The following TTC28 variants were observed in gnomAD, a reference collection of about 807,000 sequenced individuals.
The protein encoded by TTC28 is tetratricopeptide repeat protein 28.
In TTC28, 61 loss-of-function variants were observed where a neutral mutation model predicts 198.0. The observed-to-expected ratio is 0.31, with a 90% CI of 0.25 to 0.38. The LOEUF is 0.38. TTC28 is among the 10% of genes least tolerant of loss of function. The pLI is 1.00. For synonymous variants in TTC28, 1,171 were observed against 1,297.8 expected (o/e 0.90, Z 2.10); for missense variants, 2,678 against 3,164.0 (o/e 0.85, Z 3.69).
chr22:27,987,084 C>T (rs1013928067), intron 21 of TTC28, among the ~76,000 whole-genome samples: 6 of 152,126 alleles, frequency 3.9e-5, no homozygotes, highest in African/African-American at 9.7e-5. Context: ...GCCCTGGGAG[C>T]GAGCCAGCCA....
chr22:28,047,088 A>T (rs1449733380), intron 12 of TTC28, among the ~76,000 whole-genome samples: 1 of 152,198 alleles, frequency 6.6e-6, no homozygotes, highest in East Asian at 1.9e-4. Flanking sequence ...CCATACAGTG[A>T]GTCCCCATCC....
At position 28,381,765 on chromosome 22, in the gene TTC28, C is replaced by T. The variant is rs576124046; in HGVS notation, c.382-75122G>A. On this transcript the variant is annotated intron_variant, in intron 2 of 22. Transcript: ENST00000397906. ...ACAGTTTGGTAACCAGATGTTAATA[C>T]TGTTCTTCTGCCAAAGAAAACTGCA... Among the ~76,000 whole-genome samples, 5 of 152,258 alleles carry T rather than the reference C, an allele frequency of 3.3e-5. 1 individual carries two copies. The South Asian group carries it at 1.0e-3, about 32-fold the overall frequency.
chr22:28,315,168 T>C (rs1185019724), intron 2 of TTC28, among the ~76,000 whole-genome samples: 1 of 151,988 alleles, frequency 6.6e-6, no homozygotes, highest in Non-Finnish European at 1.5e-5. Flanking sequence ...ACTATAGGAA[T>C]GCAGAATGTC....
intron 2 of TTC28, among the ~76,000 whole-genome samples, chr22:28,438,466 A>G (rs1006346549): frequency 2.0e-5 from 3 of 152,246 alleles, no homozygotes; most frequent in Non-Finnish European, 4.4e-5. Context: ...TGTGACAAGT[A>G]TAACAAGATA....
At chr22:28,464,646 T>C (rs1279938256) in intron 2 of TTC28, among the ~76,000 whole-genome samples, 3 of 152,238 alleles carry the variant, frequency 2.0e-5, no homozygotes, top group African/African-American at 7.2e-5. Context: ...CTGAATCTTC[T>C]TTAGAACAGA....
intron 5 of TTC28, among the ~76,000 whole-genome samples, chr22:28,209,228 T>C (rs1156961637): frequency 1.3e-5 from 2 of 152,172 alleles, no homozygotes; most frequent in African/African-American, 2.4e-5. Context: ...GCTACCAGCA[T>C]GAGCGACACA....
chr22:28,171,560 C>T (rs1421208264), intron 5 of TTC28, among the ~76,000 whole-genome samples: 1 of 148,048 alleles, frequency 6.8e-6, no homozygotes, highest in African/African-American at 2.5e-5. Context: ...TGTGAAATAG[C>T]AGTTCTTGAT....
intron 5 of TTC28, among the ~76,000 whole-genome samples, chr22:28,234,713 G>A (rs907414520): frequency 6.6e-6 from 1 of 152,170 alleles, no homozygotes; most frequent in Admixed American, 6.5e-5. Flanking sequence ...TTAGGGAGAA[G>A]CTGAGATCCC....
chr22:28,473,074 C>CA (rs1193511016), intron 2 of TTC28, among the ~76,000 whole-genome samples: 2 of 151,160 alleles, frequency 1.3e-5, no homozygotes, highest in Non-Finnish European at 2.9e-5. Flanking sequence ...ATGCATAATC[C>CA]AAAAAAATAA....
intron 2 of TTC28, among the ~76,000 whole-genome samples, chr22:28,323,370 C>T (rs753686734): frequency 3.3e-5 from 5 of 151,970 alleles, no homozygotes; most frequent in Non-Finnish European, 5.9e-5. Context: ...CAACGGAATT[C>T]AAGATAACAC....
intron 5 of TTC28, among the ~76,000 whole-genome samples, chr22:28,271,978 C>A (rs929528785): frequency 6.6e-6 from 1 of 152,118 alleles, no homozygotes; most frequent in Non-Finnish European, 1.5e-5. Flanking sequence ...GTAAGACATG[C>A]CTTTTGCCTT....
At chr22:28,277,197 G>A (rs969091008) in intron 5 of TTC28, among the ~76,000 whole-genome samples, 1 of 152,184 alleles carries the variant, frequency 6.6e-6, no homozygotes, top group Admixed American at 6.5e-5. Context: ...GTCTGCAGAA[G>A]AATATGTATT....
At chr22:28,538,991 A>C (rs2049355091) in intron 2 of TTC28, among the ~76,000 whole-genome samples, 1 of 152,126 alleles carries the variant, frequency 6.6e-6, no homozygotes, top group Admixed American at 6.5e-5. Flanking sequence ...ACTGAGGTAG[A>C]TTCACCCCAA....
rs140728512 is a variant in TTC28 at position 28,462,093 on chromosome 22, A to G, written c.382-155450T>C. Among the ~76,000 whole-genome samples the G allele has an allele frequency of 3.3e-5, 5 of 152,318 alleles. No homozygotes were observed. In the East Asian group the frequency reaches 5.8e-4, roughly 18 times the overall value. ...ATTATCTTTTTAAGGTAGCAACTAT[A>G]TTTTAACAATAATAGCTACAATTTA... On this transcript the variant is annotated intron_variant, in intron 2 of 22. Transcript: ENST00000397906.
rs1039000982 is a variant in TTC28, at chr22:28,477,118, G to C, written c.381+152434C>G. On this transcript the variant is annotated intron_variant, in intron 2 of 22. Coordinates refer to ENST00000397906, the MANE Select transcript of TTC28 (RefSeq NM_001145418.2). Reference sequence around the variant, plus strand: ...CCCATCAAAATCAGATCAGTGGGGAGGAGCAGCTGACTACAAAGGGACATG... The same window carrying C: ...CCCATCAAAATCAGATCAGTGGGGACGAGCAGCTGACTACAAAGGGACATG... Among the ~76,000 whole-genome samples the C allele has an allele frequency of 5.9e-5, 9 of 152,274 alleles. No individual in the cohort carries two copies. In the South Asian group the frequency reaches 1.2e-3, roughly 21 times the overall value.
chr22:28,466,328 G>A (rs2048020541), intron 2 of TTC28, among the ~76,000 whole-genome samples: 1 of 152,176 alleles, frequency 6.6e-6, no homozygotes. Flanking sequence ...AGAGGCAGCA[G>A]TAAATTTACT....
intron 5 of TTC28, among the ~76,000 whole-genome samples, chr22:28,263,162 A>G (rs1034934062): frequency 6.6e-6 from 1 of 152,178 alleles, no homozygotes. Context: ...AGTTTTTGCC[A>G]TCAAAAGATC....
chr22:28,175,043 T>G (rs1462200777), intron 5 of TTC28, among the ~76,000 whole-genome samples: 1 of 146,500 alleles, frequency 6.8e-6, no homozygotes, highest in Admixed American at 6.8e-5. Flanking sequence ...AAAAAAGGAC[T>G]GGGAAAATTT....
chr22:28,537,341 A>ACTAAACTAAACTAAACT (rs1433014152), intron 2 of TTC28, among the ~76,000 whole-genome samples: 1 of 141,010 alleles, frequency 7.1e-6, no homozygotes. Context: ...AATAAAATAA[A>ACTAAACTAAACTAAACT]AACAAGAATA....
Sources: gnomAD v4.1 joint callset for allele counts (sites outside exome capture counted in the v4.1 genomes callset) on GRCh38, gnomAD v4.1.1 for gene constraint, MANE v1.5 for transcripts, NCBI Gene and HGNC (gene_info 2026-07-23, HGNC 2026-07-21) for gene names.